NEDD4L: variants seen among roughly 807,000 people sequenced by gnomAD.
The protein encoded by NEDD4L is E3 ubiquitin-protein ligase NEDD4-like.
In NEDD4L, 54 loss-of-function variants were observed where a neutral mutation model predicts 148.9. The ratio of observed to expected loss-of-function variants is 0.36; its 90% CI spans 0.29 to 0.45. The LOEUF is 0.45. Among genes scored for constraint, NEDD4L ranks in the 20% least tolerant of loss-of-function variants. The pLI, the probability that NEDD4L is intolerant of heterozygous loss-of-function variation, is 1.00. For synonymous variants in NEDD4L, 433 were observed against 440.7 expected (o/e 0.98, Z 0.22); for missense variants, 856 against 1,233.8 (o/e 0.69, Z 4.59).
chr18:58,066,727 G>A (rs2082618416), intron 1 of NEDD4L, among the ~76,000 whole-genome samples: 2 of 152,140 alleles, frequency 1.3e-5, no homozygotes, highest in East Asian at 1.9e-4. Context: ...TCTGCTTCTG[G>A]GGAGGCCTCA....
chr18:58,252,949 C>T (rs1321458170), intron 5 of NEDD4L, among the ~76,000 whole-genome samples: 1 of 152,178 alleles, frequency 6.6e-6, no homozygotes, highest in Non-Finnish European at 1.5e-5. Flanking sequence ...CATCAAGTAG[C>T]TGTGAACCAG....
intron 5 of NEDD4L, among the ~76,000 whole-genome samples, chr18:58,295,391 T>G (rs1342172258): frequency 6.6e-6 from 1 of 152,184 alleles, no homozygotes; most frequent in African/African-American, 2.4e-5. Context: ...CATAGTGGCT[T>G]CTTTTACTTA....
In NEDD4L at chr18:58,341,659, G is replaced by GT. The variant is rs747898094; in HGVS notation, c.1258-14dup. 5 of 1,608,370 alleles carry GT rather than the reference G, an allele frequency of 3.1e-6. No individual in the cohort carries two copies. In the African/African-American group the frequency reaches 6.7e-5, roughly 21 times the overall value. The stretch of plus-strand genomic sequence containing the variant: ...GGAGATCCTCCTATGAAGCTAACTT[G>GT]TTTTTGCCTCCAAAATAGCTTGCAG... On this transcript the variant is annotated intron_variant, in intron 14 of 30. Transcript: ENST00000400345.
At chr18:58,372,985 A>G in intron 23 of NEDD4L, 189 bp from the exon 24 acceptor site, 1 of 537,082 alleles carries the variant, frequency 1.9e-6, no homozygotes, top group Non-Finnish European at 3.4e-6. Flanking sequence ...GCTCATTACA[A>G]CTAAAGCAGT....
chr18:58,046,171 G>T (rs528185106), intron 1 of NEDD4L, among the ~76,000 whole-genome samples: 6 of 152,164 alleles, frequency 3.9e-5, no homozygotes, highest in Admixed American at 1.3e-4. Flanking sequence ...ATTTTGCCTC[G>T]CTGTGCTTTT....
rs200556635 is a variant in NEDD4L, at chr18:58,342,923, C to A, written c.1395C>A (p.Pro465=). 2.5e-5 allele frequency: 40 copies of A among 1,610,692 alleles called. No homozygotes were observed. The highest frequency in any genetic ancestry group is 2.9e-5 in the Non-Finnish European group (34 of 1,178,504). Residue 465 remains proline, a synonymous_variant, in exon 16 of 31, where the codon CCC becomes CCA. Coordinates refer to ENST00000400345, the MANE Select transcript of NEDD4L (RefSeq NM_001144967.3). ...TTCTTTAGGGTGCCAAGGACTCACC[C>A]GTACGTCGGGCTGTGAAAGACACCC... ...SAPLEGAKDS[P]VRRAVKDTLS... is the part of the protein sequence containing the mutation.
intron 1 of NEDD4L, among the ~76,000 whole-genome samples, chr18:58,157,905 T>C (rs538229460): frequency 6.6e-6 from 1 of 152,394 alleles, no homozygotes; most frequent in South Asian, 2.1e-4. Context: ...ATGTTAGTTA[T>C]CTATTGCTAC....
At chr18:58,269,840 A>G (rs994545547) in intron 5 of NEDD4L, among the ~76,000 whole-genome samples, 3 of 149,560 alleles carry the variant, frequency 2.0e-5, no homozygotes, top group African/African-American at 7.3e-5. Flanking sequence ...CTCTTTCTAG[A>G]GGTGGGAGAT....
At chr18:58,233,972 C>T (rs1030017405) in intron 2 of NEDD4L, among the ~76,000 whole-genome samples, 1 of 152,082 alleles carries the variant, frequency 6.6e-6, no homozygotes, top group Non-Finnish European at 1.5e-5. Context: ...GTTTCTGTGT[C>T]TACCTTTCCC....
At chr18:58,063,040 T>G (rs1377613517) in intron 1 of NEDD4L, among the ~76,000 whole-genome samples, 2 of 23,602 alleles carry the variant, frequency 8.5e-5, no homozygotes, top group African/African-American at 2.0e-4. Context: ...TTATTTGTTC[T>G]TTTTTTTTTT....
chr18:58,258,586 G>GA (rs1166903352), intron 5 of NEDD4L, among the ~76,000 whole-genome samples: 1 of 152,142 alleles, frequency 6.6e-6, no homozygotes, highest in Non-Finnish European at 1.5e-5. Flanking sequence ...CCTATGTAGT[G>GA]AAAAACAAGT....
chr18:58,351,034 A>T lies in NEDD4L; in HGVS notation c.1697A>T (p.Tyr566Phe), dbSNP rs1175391326. ...ERIHLDGRTF[Y>F]IDHNSKITQW... The stretch of plus-strand genomic sequence containing the variant: ...ATTCACTTGGATGGCCGAACGTTTT[A>T]TATTGATCATAGTAAGTAGGCGCTG... The change falls in exon 18 of 31, where the codon TAT becomes TTT. Residue 566 changes from tyrosine (Y) to phenylalanine (F), a missense_variant. Physicochemically the swap from Tyr to Phe is conservative, Grantham distance 22. This residue lies in a region of NEDD4L where 286 missense variants were observed against 531.8 expected (regional missense o/e 0.54). Transcript: ENST00000400345. The T allele has an allele frequency of 6.3e-7, 1 of 1,592,396 alleles. No individual in the cohort carries two copies. The highest frequency in any genetic ancestry group is 8.6e-7 in the Non-Finnish European group (1 of 1,168,552).
rs73437299 is a variant in NEDD4L, at chr18:58,311,349, A to G, written c.298-4633A>G. ...AAATATTACCTTGATACATAGCTCC[A>G]GAAATACACATGGGTCATTTTACCA... On this transcript the variant is annotated intron_variant, in intron 5 of 30. Transcript: ENST00000400345. Among the ~76,000 whole-genome samples the G allele has an allele frequency of 4.3e-3, 650 of 152,312 alleles. 8 individuals carry two copies. Among genetic ancestry groups the G allele is most frequent in the African/African-American group, 0.015 (617 of 41,554 alleles).
chr18:58,137,720 C>T (rs1190552800), intron 1 of NEDD4L, among the ~76,000 whole-genome samples: 1 of 151,886 alleles, frequency 6.6e-6, no homozygotes, highest in Non-Finnish European at 1.5e-5. Context: ...TTTTTCCAAC[C>T]ACATACCCTG....
At chr18:58,106,011 C>T (rs1413859285) in intron 1 of NEDD4L, among the ~76,000 whole-genome samples, 1 of 152,256 alleles carries the variant, frequency 6.6e-6, no homozygotes, top group Admixed American at 6.5e-5. Context: ...ACTGCATCAG[C>T]TAGCAGCTCC....
intron 5 of NEDD4L, among the ~76,000 whole-genome samples, chr18:58,280,259 G>A (rs1331407777): frequency 6.6e-6 from 1 of 152,058 alleles, no homozygotes; most frequent in African/African-American, 2.4e-5. Context: ...CCATGTCACT[G>A]TCCAGCGCAT....
chr18:58,248,408 T>C (rs191913), intron 3 of NEDD4L, among the ~76,000 whole-genome samples: 1 of 152,114 alleles, frequency 6.6e-6, no homozygotes, highest in Non-Finnish European at 1.5e-5. Flanking sequence ...TTACATTTGG[T>C]CTTTTTTTTT....
Position 58,256,261 on chromosome 18 carries a change from G to C in NEDD4L, c.297+4207G>C, listed in dbSNP as rs897935177. 7.3e-6 allele frequency: 9 copies of C among 1,230,854 alleles called. No homozygotes were observed. Among genetic ancestry groups the C allele is most frequent in the African/African-American group, 3.1e-5 (2 of 64,380 alleles). 76.2% of individuals were successfully genotyped at this position (1,230,854 alleles called of 1,614,324 possible). On this transcript the variant is annotated intron_variant, in intron 5 of 30. Coordinates refer to ENST00000400345, the MANE Select transcript of NEDD4L (RefSeq NM_001144967.3). The surrounding 1 kb of genome is among the most constrained non-coding windows in gnomAD (Gnocchi z 5.2). ...CCGACGTGCGCCAGGTGAGGCTGCT[G>C]CCCCTGGGCCCCGATGGCCAGGGCG...
At chr18:58,122,758 C>G (rs1236844136) in intron 1 of NEDD4L, among the ~76,000 whole-genome samples, 1 of 151,202 alleles carries the variant, frequency 6.6e-6, no homozygotes, top group Non-Finnish European at 1.5e-5. Flanking sequence ...TTTTTTGAGA[C>G]AGAGTCTTGC....
Sources: gnomAD v4.1 joint callset for allele counts (sites outside exome capture counted in the v4.1 genomes callset) on GRCh38, gnomAD v4.1.1 for gene constraint, gnomAD v4.1.1 regional missense constraint, Gnocchi (gnomAD v3.1) non-coding constraint, MANE v1.5 for transcripts, NCBI Gene and HGNC (gene_info 2026-07-23, HGNC 2026-07-21) for gene names.